The following BANP variants were observed in gnomAD, a reference collection of about 807,000 sequenced individuals.
BANP encodes the protein protein BANP.
A neutral mutation model predicts 68.1 loss-of-function variants in BANP; 11 were observed. The ratio of observed to expected loss-of-function variants is 0.16; its 90% confidence interval spans 0.10 to 0.27. The LOEUF is 0.27. Among genes scored for constraint, BANP ranks in the 10% least tolerant of loss-of-function variants. The pLI is 1.00. For missense variants in BANP, 504 were observed against 722.7 expected, an observed-to-expected ratio of 0.70 and a Z score of 3.47; for synonymous variants, 329 against 303.2, an observed-to-expected ratio of 1.09 and a Z score of -0.88.
chr16:88,014,635 G>A (rs1370037294), intron 6 of BANP, among the ~76,000 whole-genome samples: 1 of 152,034 alleles, frequency 6.6e-6, no homozygotes. Context: ...GGGATCTTTA[G>A]CAGCTTGGTG....
At chr16:88,054,913 A>G (rs779668998) in intron 11 of BANP, among the ~76,000 whole-genome samples, 2 of 152,176 alleles carry the variant, frequency 1.3e-5, no homozygotes, top group Non-Finnish European at 2.9e-5. Flanking sequence ...AACAGTTAGT[A>G]CCAAACTCTG....
intron 1 of BANP, among the ~76,000 whole-genome samples, chr16:87,960,763 A>C (rs1343212823): frequency 6.6e-6 from 1 of 152,208 alleles, no homozygotes; most frequent in African/African-American, 2.4e-5. Context: ...TTGTAGTTGA[A>C]CTAGCTGCTC....
chr16:88,021,534 C>T (rs936887074), intron 7 of BANP, among the ~76,000 whole-genome samples: 31 of 152,202 alleles, frequency 2.0e-4, no homozygotes, highest in African/African-American at 5.8e-4. Flanking sequence ...CCTTCTCCCC[C>T]GCCTCAGGCT....
intron 13 of BANP, among the ~76,000 whole-genome samples, chr16:88,073,592 C>T (rs1192007786): frequency 1.3e-5 from 2 of 152,186 alleles, no homozygotes; most frequent in East Asian, 1.9e-4. Flanking sequence ...CGTTCGGCAG[C>T]GCTTATTTTA....
chr16:88,023,720 T>C (rs557612905), intron 7 of BANP, among the ~76,000 whole-genome samples: 1 of 152,332 alleles, frequency 6.6e-6, no homozygotes, highest in South Asian at 2.1e-4. Context: ...AATCGGCTTA[T>C]GATTTGAACC....
chr16:87,964,715 G>A (rs2059744050), intron 1 of BANP, among the ~76,000 whole-genome samples: 1 of 84,504 alleles, frequency 1.2e-5, no homozygotes, highest in Non-Finnish European at 2.6e-5. Flanking sequence ...ACGGCCGTAT[G>A]TGAGCAGGTC....
intron 1 of BANP, among the ~76,000 whole-genome samples, chr16:87,955,308 G>A (rs1397594270): frequency 2.0e-5 from 3 of 152,200 alleles, no homozygotes; most frequent in Non-Finnish European, 4.4e-5. Flanking sequence ...TGTGAGAAAC[G>A]CACACTTTCA....
chr16:88,040,913 C>T (rs1385155235), intron 11 of BANP, among the ~76,000 whole-genome samples: 2 of 152,232 alleles, frequency 1.3e-5, no homozygotes, highest in Non-Finnish European at 2.9e-5. Flanking sequence ...TTCTGATTCC[C>T]TAGTTCCAAC....
chr16:88,035,118 T>C (rs2079034365), intron 9 of BANP: 1 of 577,786 alleles, frequency 1.7e-6, no homozygotes, highest in Non-Finnish European at 3.1e-6. Flanking sequence ...GGGTGCTTCT[T>C]GAAACCCTCA....
intron 9 of BANP, 92 bp from the exon 10 acceptor site, chr16:88,035,229 CAG>C (rs1403065950): frequency 8.8e-7 from 1 of 1,142,284 alleles, no homozygotes; most frequent in Non-Finnish European, 1.3e-6. Flanking sequence ...GAATTGTAAA[CAG>C]ATAATCAAGA....
At chr16:87,991,004 T>C (rs2065768016) in intron 4 of BANP, among the ~76,000 whole-genome samples, 1 of 152,218 alleles carries the variant, frequency 6.6e-6, no homozygotes, top group African/African-American at 2.4e-5. Flanking sequence ...CCTCATGATC[T>C]GCCTGCCTCG....
intron 3 of BANP, among the ~76,000 whole-genome samples, chr16:87,983,269 G>C (rs12711486): frequency 6.6e-6 from 1 of 151,762 alleles, no homozygotes; most frequent in Non-Finnish European, 1.5e-5. Context: ...ACCTGAAGGA[G>C]TGTCCTTCTG....
At chr16:87,970,780 A>T (rs2060960156) in intron 1 of BANP, among the ~76,000 whole-genome samples, 1 of 152,040 alleles carries the variant, frequency 6.6e-6, no homozygotes, top group Non-Finnish European at 1.5e-5. Flanking sequence ...GCACTTTGGG[A>T]GGCTGAGGTG....
intron 1 of BANP, among the ~76,000 whole-genome samples, chr16:87,969,693 C>T (rs1005398090): frequency 2.6e-5 from 4 of 151,914 alleles, no homozygotes; most frequent in African/African-American, 4.8e-5. Flanking sequence ...CCGCCATCCC[C>T]GTCTAATTTT....
chr16:88,044,803 G>A (rs542686457), intron 11 of BANP, among the ~76,000 whole-genome samples: 15 of 152,326 alleles, frequency 9.8e-5, no homozygotes, highest in African/African-American at 2.6e-4. Context: ...CTAACACGGT[G>A]AAACCCCTTC....
At chr16:88,022,099 A>T (rs1311506977) in intron 7 of BANP, among the ~76,000 whole-genome samples, 1 of 152,248 alleles carries the variant, frequency 6.6e-6, no homozygotes, top group Non-Finnish European at 1.5e-5. Flanking sequence ...TGTGTGTTTT[A>T]TGCAAAAGTA....
intron 4 of BANP, among the ~76,000 whole-genome samples, chr16:87,995,874 A>G (rs2067057182): frequency 6.6e-6 from 1 of 152,204 alleles, no homozygotes; most frequent in Non-Finnish European, 1.5e-5. Flanking sequence ...CGTGAGCTGG[A>G]GCGGGAGCCC....
chr16:88,006,285 C>G lies in BANP; in HGVS notation c.655+20C>G, dbSNP rs1396313569. 1 of 1,568,760 alleles carries G rather than the reference C, an allele frequency of 6.4e-7. No homozygotes were observed. The highest frequency in any genetic ancestry group is 1.4e-5 in the African/African-American group (1 of 73,512). On this transcript the variant is annotated intron_variant, in intron 6 of 13. Transcript: ENST00000682872. ...CGGAAGGTGCGTCCAGGGCGGCTTT[C>G]CTCGGCCAGAGCGCCAGTACAATTG...
At chr16:87,980,587 A>ATG (rs1171746780) in intron 2 of BANP, 3 of 187,674 alleles carry the variant, frequency 1.6e-5, no homozygotes, top group African/African-American at 2.4e-5. Flanking sequence ...ACCTATGGCA[A>ATG]TGTGATATTC....
Sources: allele counts gnomAD v4.1 joint callset (sites outside exome capture counted in the v4.1 genomes callset), GRCh38; gene constraint gnomAD v4.1.1; transcripts MANE v1.5; gene names NCBI Gene and HGNC (gene_info 2026-07-23, HGNC 2026-07-21).